The following PRG4 variants were observed in gnomAD, a reference collection of about 807,000 sequenced individuals.
PRG4 encodes the protein articular superficial zone protein.
A neutral mutation model predicts 91.2 loss-of-function variants in PRG4; 61 were observed. That is an observed-to-expected ratio of 0.67 (90% CI 0.54 to 0.83). The LOEUF is 0.83. PRG4 is among the 40% of genes least tolerant of loss of function. The pLI, the probability that PRG4 is intolerant of heterozygous loss-of-function variation, is 0.00. For missense variants in PRG4, 1,564 were observed against 1,714.2 expected (o/e 0.91, Z 1.55); for synonymous variants, 576 against 614.2 (o/e 0.94, Z 0.92).
intron 3 of PRG4, 104 bp from the exon 4 acceptor site, chr1:186,301,488 A>G (rs1486843687): frequency 6.6e-7 from 1 of 1,514,964 alleles, no homozygotes; most frequent in Non-Finnish European, 9.1e-7. Context: ...CTTAGAAATG[A>G]ACTTTTGGAA....
At chr1:186,299,556 C>T (rs1290797504) in intron 2 of PRG4, among the ~76,000 whole-genome samples, 1 of 152,182 alleles carries the variant, frequency 6.6e-6, no homozygotes, top group Non-Finnish European at 1.5e-5. Context: ...AAAGAGTTCA[C>T]TACAAATAAT....
In PRG4 at chr1:186,309,880, G is replaced by T; in HGVS notation, c.3499+10G>T. On this transcript the variant is annotated intron_variant, in intron 8 of 12. Coordinates refer to ENST00000445192, the MANE Select transcript of PRG4 (RefSeq NM_005807.6). ...TTAGTTGCATTCCGAGGTGAGCTAT[G>T]TACACATTTATTTTTCTTCTCATCA... 1 of 1,607,460 alleles carries T rather than the reference G, an allele frequency of 6.2e-7. No homozygotes were observed. The highest frequency in any genetic ancestry group is 1.1e-5 in the South Asian group (1 of 90,954).
In PRG4 at chr1:186,309,837, A is replaced by G. The variant is rs1439502918; in HGVS notation, c.3466A>G (p.Thr1156Ala). The change falls in exon 8 of 13, where the codon ACT becomes GCT. Residue 1156 changes from threonine to alanine, a missense_variant. This residue lies in a region of PRG4 where 1,079 missense variants were observed against 1,162.2 expected (regional missense o/e 0.93). Transcript: ENST00000445192. ...CNGKPVDGLT[T>A]LRNGTLVAFR... ...TGGTAAGCCAGTAGATGGACTGACTACTTTGCGCAATGGGACATTAGTTGC... is the reference window on the plus strand; with the variant it reads ...TGGTAAGCCAGTAGATGGACTGACTGCTTTGCGCAATGGGACATTAGTTGC... The G allele has an allele frequency of 6.2e-7, 1 of 1,613,690 alleles. No individual in the cohort carries two copies. Among genetic ancestry groups the G allele is most frequent in the African/African-American group, 1.3e-5 (1 of 74,908 alleles).
rs780433828 is a variant in PRG4 at position 186,307,530 on chromosome 1, C to A, written c.1811C>A (p.Thr604Asn). The change falls in exon 7 of 13, where the codon ACT becomes AAT. Residue 604 changes from threonine (T) to asparagine (N), a missense_variant. Physicochemically the swap from Thr to Asn is moderately conservative, Grantham distance 65 (BLOSUM62 0). Around this residue, in one of 3 missense-constraint regions of PRG4, gnomAD observed 1,079 missense variants for 1,162.2 expected, o/e 0.93. Transcript: ENST00000445192. ...ACCACCAAGAAGCCTGCACCCACCACTCCCAAAGAGCCTGCCCCAACTACC... is the reference window on the plus strand; with the variant it reads ...ACCACCAAGAAGCCTGCACCCACCAATCCCAAAGAGCCTGCCCCAACTACC... The part of the protein sequence containing the change: ...PTTTKKPAPT[T>N]PKEPAPTTPK... 8.3e-6 allele frequency: 13 copies of A among 1,575,454 alleles called. No individual in the cohort carries two copies.
intron 5 of PRG4, 108 bp downstream of exon 5, chr1:186,304,365 T>C: frequency 1.5e-6 from 2 of 1,293,372 alleles, no homozygotes; most frequent in Non-Finnish European, 2.2e-6. Context: ...TTAGGAATCA[T>C]GAGCCTCATT....
At position 186,307,100 on chromosome 1, in the gene PRG4, C is replaced by A. The variant is rs138817749; in HGVS notation, c.1381C>A (p.Pro461Thr). ...ACCCACCACTCCCAAGGAGCCTACA[C>A]CCACCACTCCCAAGGAGCCTGCACC... ...PAPTTPKEPT[P>T]TTPKEPAPTT... Residue 461 changes from proline (P) to threonine (T), a missense_variant, in exon 7 of 13, where the codon CCC becomes ACC. Coordinates refer to ENST00000445192, the MANE Select transcript of PRG4 (RefSeq NM_005807.6). The A allele has an allele frequency of 2.3e-3, 3,569 of 1,580,882 alleles. 8 individuals carry two copies. The highest frequency in any genetic ancestry group is 2.9e-3 in the Non-Finnish European group (3,326 of 1,165,798).
rs1437777139 is a variant in PRG4, at chr1:186,308,550, C to T, written c.2831C>T (p.Thr944Ile). ...AAGATGACAAAAGAGACAGCAACTACAACAGAAAAAACTACCGAATCCAAA... is the reference window on the plus strand; with the variant it reads ...AAGATGACAAAAGAGACAGCAACTATAACAGAAAAAACTACCGAATCCAAA... The part of the protein sequence containing the change: ...APKMTKETAT[T>I]TEKTTESKIT... The change falls in exon 7 of 13, where the codon ACA becomes ATA. Residue 944 changes from threonine to isoleucine, a missense_variant. Thr to Ile is a moderately conservative substitution (Grantham distance 89, BLOSUM62 -1). Coordinates refer to ENST00000445192, the MANE Select transcript of PRG4 (RefSeq NM_005807.6). 1 of 1,613,634 alleles carries T rather than the reference C, an allele frequency of 6.2e-7. No homozygotes were observed. Among genetic ancestry groups the T allele is most frequent in the Non-Finnish European group, 8.5e-7 (1 of 1,179,994 alleles).
At position 186,304,333 on chromosome 1, in the gene PRG4, A is replaced by C. The variant is rs562370292; in HGVS notation, c.469+76A>C. ...TGTAGGTGACTGCTTATCTAAGCCCATTCTCAGAGAACAGGGTAATCTTAG... is the reference window on the plus strand; with the variant it reads ...TGTAGGTGACTGCTTATCTAAGCCCCTTCTCAGAGAACAGGGTAATCTTAG... On this transcript the variant is annotated intron_variant, in intron 5 of 12. Coordinates refer to ENST00000445192, the MANE Select transcript of PRG4 (RefSeq NM_005807.6). 3 of 1,473,328 alleles carry C rather than the reference A, an allele frequency of 2.0e-6. No individual in the cohort carries two copies. In the Admixed American group the frequency reaches 5.1e-5, roughly 25 times the overall value. The allele number at this position is 1,473,328 out of a possible 1,614,324, so 91.3% of individuals were successfully genotyped here.
intron 4 of PRG4, among the ~76,000 whole-genome samples, chr1:186,303,716 A>T (rs1419182560): frequency 6.6e-6 from 1 of 152,156 alleles, no homozygotes; most frequent in Non-Finnish European, 1.5e-5. Context: ...ACAGAAAAAA[A>T]TGAATACTAA....
Position 186,306,863 on chromosome 1 carries a change from G to C in PRG4, c.1144G>C (p.Ala382Pro), listed in dbSNP as rs1656625183. The stretch of plus-strand genomic sequence containing the variant: ...TGCACCCACCACCCCCAAGGAGCCT[G>C]CACCCACCACCACCAAGTCTGCACC... ...KSAPTTPKEP[A>P]PTTTKSAPTT... The change falls in exon 7 of 13, where the codon GCA becomes CCA. Residue 382 changes from alanine (A) to proline (P), a missense_variant. Around this residue, in one of 3 missense-constraint regions of PRG4, gnomAD observed 437 missense variants for 459.0 expected, o/e 0.95. Coordinates refer to ENST00000445192, the MANE Select transcript of PRG4 (RefSeq NM_005807.6). 1 of 1,602,202 alleles carries C rather than the reference G, an allele frequency of 6.2e-7. No homozygotes were observed. The highest frequency in any genetic ancestry group is 1.4e-5 in the African/African-American group (1 of 70,530).
In PRG4 at chr1:186,296,914, G is replaced by A. The variant is rs376735752; in HGVS notation, c.39G>A (p.Leu13=). 4.2e-5 allele frequency: 68 copies of A among 1,613,844 alleles called. No individual in the cohort carries two copies. The highest frequency in any genetic ancestry group is 5.4e-5 in the Non-Finnish European group (64 of 1,179,918). The change falls in exon 2 of 13, where the codon CTG becomes CTA. Residue 13 remains leucine, a synonymous_variant. Coordinates refer to ENST00000445192, the MANE Select transcript of PRG4 (RefSeq NM_005807.6). ...CACTTCCCATTTACCTGTTGTTGCT[G>A]CTGTCTGTTTTCGTGATTCAGCAAG... is the stretch of plus-strand genomic sequence containing the variant. The part of the protein sequence containing the change: ...WKTLPIYLLL[L]LSVFVIQQVS...
chr1:186,309,234 A>C, intron 7 of PRG4, 94 bp downstream of exon 7: 1 of 1,287,510 alleles, frequency 7.8e-7, no homozygotes, highest in Non-Finnish European at 1.1e-6. Flanking sequence ...CACTCAACTG[A>C]GATATATTAC....
At position 186,306,696 on chromosome 1, in the gene PRG4, A is replaced by C; in HGVS notation, c.977A>C (p.Lys326Thr). The C allele has an allele frequency of 1.9e-6, 3 of 1,613,720 alleles. No individual in the cohort carries two copies. ...GCTAAAGATTTAGCACCCACATCTA[A>C]AGTGCTGGCTAAACCTACACCCAAA... ...TSAKDLAPTS[K>T]VLAKPTPKAE... The change falls in exon 7 of 13, where the codon AAA (lysine) becomes ACA (threonine). Residue 326 changes from lysine (K) to threonine (T), a missense_variant. Around this residue, in one of 3 missense-constraint regions of PRG4, gnomAD observed 437 missense variants for 459.0 expected, o/e 0.95. Coordinates refer to ENST00000445192, the MANE Select transcript of PRG4 (RefSeq NM_005807.6).
chr1:186,309,096 CGA>C lies in PRG4; in HGVS notation c.3381_3382del (p.Arg1127SerfsTer15), dbSNP rs1394106152. 1 of 1,613,884 alleles carries C rather than the reference CGA, an allele frequency of 6.2e-7. No individual in the cohort carries two copies. Among genetic ancestry groups the C allele is most frequent in the Non-Finnish European group, 8.5e-7 (1 of 1,179,922 alleles). On this transcript the variant is annotated frameshift_variant, in exon 7 of 13. Transcript: ENST00000445192. LOFTEE classifies it high-confidence loss of function. ...GTTACTCCCGACATGGATTACTTAC[CGA>C]GAGTACCCAATCAAGGCATTATCAT...
chr1:186,312,779 T>C lies in PRG4; in HGVS notation c.4002T>C (p.His1334=), dbSNP rs1448730112. 6.2e-7 allele frequency: 1 copy of C among 1,613,054 alleles called. No homozygotes were observed. The highest frequency in any genetic ancestry group is 1.3e-5 in the African/African-American group (1 of 75,018). The change falls in exon 12 of 13, where the codon CAT becomes CAC. Residue 1334 remains histidine (H), a synonymous_variant. Coordinates refer to ENST00000445192, the MANE Select transcript of PRG4 (RefSeq NM_005807.6). ...ACATGCCACTTACAGGTGTCCTTCA[T>C]AATGAAGTTAAAGTGAGTATACTGT... ...RLAYQDKGVL[H]NEVKVSILWR...
chr1:186,306,473 A>G lies in PRG4; in HGVS notation c.754A>G (p.Ile252Val), dbSNP rs773897764. The change falls in exon 7 of 13, where the codon ATC becomes GTC. Residue 252 changes from isoleucine (I) to valine (V), a missense_variant. This residue lies in a region of PRG4 where 437 missense variants were observed against 459.0 expected (regional missense o/e 0.95). Transcript: ENST00000445192. ...QHNKVSTSPKITTAKPINPRP... is the reference protein window; with the variant it reads ...QHNKVSTSPKVTTAKPINPRP... The stretch of plus-strand genomic sequence containing the variant: ...CAATAAAGTCAGCACATCTCCCAAG[A>G]TCACAACAGCAAAACCAATAAATCC... The G allele has an allele frequency of 4.3e-6, 7 of 1,613,678 alleles. No individual in the cohort carries two copies. In the South Asian group the frequency reaches 5.5e-5, roughly 13 times the overall value.
chr1:186,304,111 A>C lies in PRG4; in HGVS notation c.323A>C (p.His108Pro). ...PDYESFCAEV[H>P]NPTSPPSSKK... Reference sequence around the variant, plus strand: ...GACTTGTCTTACTTGGCCTCAGTGCATAATCCCACATCACCACCATCTTCA... The same window carrying C: ...GACTTGTCTTACTTGGCCTCAGTGCCTAATCCCACATCACCACCATCTTCA... The change falls in exon 5 of 13, where the codon CAT (histidine) becomes CCT (proline). Residue 108 changes from histidine (H) to proline (P), a missense_variant. Physicochemically the swap from His to Pro is moderately conservative, Grantham distance 77 (BLOSUM62 -2). This residue lies in a region of PRG4 where 437 missense variants were observed against 459.0 expected (regional missense o/e 0.95). Coordinates refer to ENST00000445192, the MANE Select transcript of PRG4 (RefSeq NM_005807.6). 1 of 1,614,154 alleles carries C rather than the reference A, an allele frequency of 6.2e-7. No individual in the cohort carries two copies. Among genetic ancestry groups the C allele is most frequent in the Non-Finnish European group, 8.5e-7 (1 of 1,179,964 alleles).
chr1:186,298,931 A>G (rs1656025015), intron 2 of PRG4, among the ~76,000 whole-genome samples: 1 of 152,042 alleles, frequency 6.6e-6, no homozygotes, highest in South Asian at 2.1e-4. Flanking sequence ...TGCATTATGC[A>G]CTCATGTACG....
At position 186,309,800 on chromosome 1, in the gene PRG4, C is replaced by T. The variant is rs1265586018; in HGVS notation, c.3429C>T (p.Thr1143=). 6.2e-7 allele frequency: 1 copy of T among 1,611,406 alleles called. No individual in the cohort carries two copies. Among genetic ancestry groups the T allele is most frequent in the Non-Finnish European group, 8.5e-7 (1 of 1,177,916 alleles). Residue 1143 remains threonine, a synonymous_variant, in exon 8 of 13, where the codon ACC becomes ACT. Transcript: ENST00000445192. The part of the protein sequence containing the change: ...IIINPMLSDE[T]NICNGKPVDG... Reference sequence around the variant, plus strand: ...TTTTGTTAATTTGTTTAGATGAGACCAATATATGCAATGGTAAGCCAGTAG... The same window carrying T: ...TTTTGTTAATTTGTTTAGATGAGACTAATATATGCAATGGTAAGCCAGTAG...
Sources: allele counts gnomAD v4.1 joint callset (sites outside exome capture counted in the v4.1 genomes callset), GRCh38; gene constraint gnomAD v4.1.1; regional missense constraint gnomAD v4.1.1; transcripts MANE v1.5; gene names NCBI Gene and HGNC (gene_info 2026-07-23, HGNC 2026-07-21).